The following FBXL2 variants were observed in gnomAD, a reference collection of about 807,000 sequenced individuals.
FBXL2 encodes F-box/LRR-repeat protein 2.
Under a neutral mutation model 69.2 loss-of-function variants are expected in FBXL2, and 38 were observed. The ratio of observed to expected loss-of-function variants is 0.55; its 90% CI spans 0.42 to 0.72. The LOEUF (loss-of-function observed/expected upper bound fraction) is 0.72, where lower values mean the gene tolerates loss of function less well. Ranked by LOEUF, FBXL2 falls within the 30% of genes least tolerant of loss-of-function variation. The pLI is 0.00. For missense variants in FBXL2, 354 were observed against 520.3 expected, an observed-to-expected ratio of 0.68 and a Z score of 3.11; for synonymous variants, 192 against 201.3, an observed-to-expected ratio of 0.95 and a Z score of 0.39.
At chr3:33,400,282 G>A (rs1559671838) in intron 12 of FBXL2, 1 of 1,591,604 alleles carries the variant, frequency 6.3e-7, no homozygotes. Context: ...GGCTGAATTT[G>A]CTATTAACAA....
At chr3:33,297,835 T>G in intron 2 of FBXL2, 110 bp downstream of exon 2, 2 of 739,840 alleles carry the variant, frequency 2.7e-6, no homozygotes, top group Non-Finnish European at 4.8e-6. Flanking sequence ...ACAGACAGAA[T>G]TAGCCTAACT....
chr3:33,396,502 A>G (rs1161603448), intron 12 of FBXL2: 2 of 506,124 alleles, frequency 4.0e-6, no homozygotes, highest in Non-Finnish European at 7.1e-6. Flanking sequence ...AACCATTGAG[A>G]TGGTCTGTCA....
chr3:33,395,199 C>A (rs2043926897), intron 12 of FBXL2, among the ~76,000 whole-genome samples: 1 of 152,062 alleles, frequency 6.6e-6, no homozygotes, highest in East Asian at 1.9e-4. Context: ...CAAAATAATA[C>A]CAAATAGAAA....
intron 4 of FBXL2, among the ~76,000 whole-genome samples, chr3:33,363,118 A>G (rs1304985410): frequency 6.6e-6 from 1 of 152,072 alleles, no homozygotes; most frequent in Non-Finnish European, 1.5e-5. Flanking sequence ...TTGGCTCACT[A>G]CAACCTCTGC....
At chr3:33,390,601 A>T, downstream of FBXL2, 1 of 565,746 alleles carries the variant, frequency 1.8e-6, no homozygotes. Flanking sequence ...CAACGCCCGC[A>T]TTCCAACACT....
chr3:33,342,711 CTTTTTTTTTTT>C (rs71070130), intron 2 of FBXL2, among the ~76,000 whole-genome samples: 253 of 37,904 alleles, frequency 6.7e-3, no homozygotes, highest in African/African-American at 0.026. Flanking sequence ...AATATAACTT[CTTTTTTTTTTT>C]TTTTTTTTTT....
intron 2 of FBXL2, among the ~76,000 whole-genome samples, chr3:33,354,469 C>T (rs1351750817): frequency 2.7e-5 from 4 of 150,924 alleles, no homozygotes; most frequent in South Asian, 2.1e-4. Flanking sequence ...GCCGAGATCA[C>T]GCCACTACAC....
chr3:33,330,393 A>G (rs750660839), intron 2 of FBXL2, among the ~76,000 whole-genome samples: 5 of 152,190 alleles, frequency 3.3e-5, no homozygotes, highest in Non-Finnish European at 4.4e-5. Context: ...TAATGGGTAC[A>G]AATATACAGT....
chr3:33,325,229 A>T (rs2038593558), intron 2 of FBXL2, among the ~76,000 whole-genome samples: 1 of 152,214 alleles, frequency 6.6e-6, no homozygotes, highest in Non-Finnish European at 1.5e-5. Context: ...CAATCATGTC[A>T]TCTGCAAACA....
intron 2 of FBXL2, among the ~76,000 whole-genome samples, chr3:33,318,020 GT>G (rs559582544): frequency 5.9e-5 from 9 of 151,674 alleles, no homozygotes; most frequent in Non-Finnish European, 1.0e-4. Context: ...AGGTTTCTGG[GT>G]TTTTTTTGTT....
chr3:33,396,527 TAA>T (rs1401554131), intron 12 of FBXL2: 1 of 482,076 alleles, frequency 2.1e-6, no homozygotes, highest in Non-Finnish European at 3.7e-6. Context: ...CTGGTAAATT[TAA>T]GTTTCAAGAT....
chr3:33,378,815 T>C, intron 13 of FBXL2, 74 bp downstream of exon 13: 1 of 1,612,510 alleles, frequency 6.2e-7, no homozygotes, highest in Non-Finnish European at 8.5e-7. Context: ...AAGAAGCTGT[T>C]TGGGTTCTCT....
chr3:33,413,694 C>T, the FBXL2 span, among the ~76,000 whole-genome samples: 1 of 152,052 alleles, frequency 6.6e-6, no homozygotes, highest in South Asian at 2.1e-4. Flanking sequence ...CAATTAAAAG[C>T]AATTTTTTTC....
chr3:33,395,357 T>C (rs1368018680), intron 12 of FBXL2, among the ~76,000 whole-genome samples: 1 of 152,092 alleles, frequency 6.6e-6, no homozygotes, highest in Non-Finnish European at 1.5e-5. Flanking sequence ...TCTGAGCATG[T>C]TGCCTTTGTT....
intron 12 of FBXL2, chr3:33,397,029 G>A: frequency 6.3e-7 from 1 of 1,580,642 alleles, no homozygotes; most frequent in South Asian, 1.2e-5. Context: ...AAGCAAAACA[G>A]TTCACAGTAT....
chr3:33,316,015 G>T lies in FBXL2; in HGVS notation c.65+18290G>T, dbSNP rs75110748. On this transcript the variant is annotated intron_variant, in intron 2 of 14. Transcript: ENST00000484457. ...GACTTTCTTCTCATCCCCAGCCTTT[G>T]ACCTTTACATGGACTTTACTACTTC... is the stretch of plus-strand genomic sequence containing the variant. Among the ~76,000 whole-genome samples, 1,351 of 150,422 alleles carry T rather than the reference G, an allele frequency of 9.0e-3. 14 individuals carry two copies. Among genetic ancestry groups the T allele is most frequent in the Admixed American group, 0.011 (161 of 15,090 alleles).
the FBXL2 span, among the ~76,000 whole-genome samples, chr3:33,419,155 C>T: frequency 6.6e-6 from 1 of 152,102 alleles, no homozygotes; most frequent in South Asian, 2.1e-4. Context: ...AGAAGAGTCA[C>T]CATTTCCTGA....
Position 33,378,155 on chromosome 3 carries a change from G to A in FBXL2, c.894+8G>A, listed in dbSNP as rs115776724. The A allele has an allele frequency of 1.1e-3, 1,806 of 1,614,020 alleles. 10 individuals are homozygous for A. In the African/African-American group the frequency reaches 0.021, roughly 19 times the overall value. On this transcript the variant is annotated splice_region_variant and intron_variant, in intron 12 of 14. Coordinates refer to ENST00000484457, the MANE Select transcript of FBXL2 (RefSeq NM_012157.5). ...CTTGAAGAATGCATCCTGGTGAGTG[G>A]ACTCCTGACAGCCCTGCAGGGCAGC...
downstream of FBXL2, chr3:33,389,650 A>C (rs542950536): frequency 6.6e-6 from 1 of 152,560 alleles, no homozygotes; most frequent in South Asian, 2.1e-4. Context: ...GCCAAAACAC[A>C]AAAGTCTTTG....
Sources: allele counts gnomAD v4.1 joint callset (sites outside exome capture counted in the v4.1 genomes callset), GRCh38; gene constraint gnomAD v4.1.1; transcripts MANE v1.5; gene names NCBI Gene and HGNC (gene_info 2026-07-23, HGNC 2026-07-21).